AK5: variants seen among roughly 807,000 people sequenced by gnomAD.
AK5 encodes adenylate kinase 5.
In AK5, 27 loss-of-function variants were observed where a neutral mutation model predicts 69.5. That is an observed-to-expected ratio of 0.39 (90% CI 0.29 to 0.54). AK5 has a LOEUF of 0.54. Ranked by LOEUF, AK5 falls within the 20% of genes least tolerant of loss-of-function variation. AK5 has a pLI of 0.71. For missense variants in AK5, 531 were observed against 700.4 expected (o/e 0.76, Z 2.73); for synonymous variants, 260 against 244.4 (o/e 1.06, Z -0.60).
chr1:77,367,901 T>TGA (rs1647025784), intron 6 of AK5, among the ~76,000 whole-genome samples: 8 of 3,276 alleles, frequency 2.4e-3, no homozygotes, highest in East Asian at 0.036. Flanking sequence ...GTGATATATA[T>TGA]TATATATAAA....
chr1:77,526,465 C>G (rs200506563), intron 12 of AK5, among the ~76,000 whole-genome samples: 88 of 84,660 alleles, frequency 1.0e-3, no homozygotes, highest in African/African-American at 4.0e-3. Context: ...GAATAAAAGT[C>G]TTTTTTTTTT....
chr1:77,443,929 C>G (rs1167666878), intron 8 of AK5, among the ~76,000 whole-genome samples: 1 of 151,116 alleles, frequency 6.6e-6, no homozygotes, highest in Admixed American at 6.6e-5. Flanking sequence ...ACCTTTTGTC[C>G]TACCCACCCA....
chr1:77,353,431 T>A (rs1184583639), intron 6 of AK5, among the ~76,000 whole-genome samples: 2 of 152,072 alleles, frequency 1.3e-5, no homozygotes, highest in African/African-American at 4.8e-5. Flanking sequence ...TGAGCCAAAA[T>A]CGTGCCACTG....
At chr1:77,543,763 G>A (rs59814571) in intron 13 of AK5, among the ~76,000 whole-genome samples, 1,963 of 152,236 alleles carry the variant, frequency 0.013, 39 homozygotes, top group African/African-American at 0.045. Context: ...GAGTATTTTC[G>A]TAGGAAGCTG....
intron 5 of AK5, among the ~76,000 whole-genome samples, chr1:77,330,498 GTCCTTT>G (rs1220091983): frequency 6.6e-6 from 1 of 152,124 alleles, no homozygotes; most frequent in Non-Finnish European, 1.5e-5. Context: ...TGAAAAGACT[GTCCTTT>G]TCCCTACTGC....
chr1:77,439,638 C>A (rs565761926), intron 8 of AK5, among the ~76,000 whole-genome samples: 1 of 152,112 alleles, frequency 6.6e-6, no homozygotes, highest in South Asian at 2.1e-4. Context: ...GCATATGAGT[C>A]AGAACTGTGA....
chr1:77,494,061 G>A (rs1242834976), intron 10 of AK5, among the ~76,000 whole-genome samples: 1 of 152,174 alleles, frequency 6.6e-6, no homozygotes, highest in Non-Finnish European at 1.5e-5. Context: ...TGACATGGCA[G>A]GAATTTAGGA....
At chr1:77,382,879 C>A (rs1469458963) in intron 6 of AK5, among the ~76,000 whole-genome samples, 1 of 152,166 alleles carries the variant, frequency 6.6e-6, no homozygotes, top group Non-Finnish European at 1.5e-5. Context: ...TCTTGAGACA[C>A]CTTTCATCTT....
chr1:77,324,509 G>A (rs555622405), intron 5 of AK5, among the ~76,000 whole-genome samples: 1 of 152,254 alleles, frequency 6.6e-6, no homozygotes, highest in East Asian at 1.9e-4. Context: ...TGCTGAGAAG[G>A]ATTCTGAAGC....
At chr1:77,436,693 T>G (rs1169091134) in intron 8 of AK5, among the ~76,000 whole-genome samples, 4 of 151,946 alleles carry the variant, frequency 2.6e-5, no homozygotes, top group African/African-American at 9.7e-5. Flanking sequence ...AGAATTAATT[T>G]ATAAATGATT....
At chr1:77,448,213 G>A (rs2100652231) in intron 8 of AK5, among the ~76,000 whole-genome samples, 1 of 152,278 alleles carries the variant, frequency 6.6e-6, no homozygotes, top group South Asian at 2.1e-4. Flanking sequence ...AAGCATGGGG[G>A]CCAGGCTGCC....
chr1:77,295,497 C>T (rs1345504583), intron 3 of AK5, among the ~76,000 whole-genome samples: 9 of 152,208 alleles, frequency 5.9e-5, no homozygotes, highest in African/African-American at 9.6e-5. Context: ...GCCGCTGTTA[C>T]GCCATAAACC....
chr1:77,463,570 T>TAAAAA (rs3077577), intron 8 of AK5, among the ~76,000 whole-genome samples: 5 of 147,402 alleles, frequency 3.4e-5, no homozygotes, highest in East Asian at 2.0e-4. Flanking sequence ...TGTTTAGCTT[T>TAAAAA]AAAAAAAAAA....
At chr1:77,335,061 A>G (rs141046836) in intron 5 of AK5, among the ~76,000 whole-genome samples, 18 of 152,290 alleles carry the variant, frequency 1.2e-4, no homozygotes, top group Non-Finnish European at 2.6e-4. Context: ...TATCTGAATT[A>G]TGGAGTCTAG....
chr1:77,495,447 T>C (rs1360064764), intron 10 of AK5, among the ~76,000 whole-genome samples: 1 of 152,222 alleles, frequency 6.6e-6, no homozygotes, highest in Admixed American at 6.5e-5. Context: ...AGCAAGTGAA[T>C]ATTAATGACA....
chr1:77,514,310 T>C (rs139546834), intron 10 of AK5, among the ~76,000 whole-genome samples: 1 of 152,344 alleles, frequency 6.6e-6, no homozygotes, highest in East Asian at 1.9e-4. Context: ...AGCTCCTGTC[T>C]GTCATCAGTC....
chr1:77,426,214 C>G (rs901715151), intron 8 of AK5, among the ~76,000 whole-genome samples: 3 of 152,238 alleles, frequency 2.0e-5, no homozygotes, highest in African/African-American at 4.8e-5. Context: ...AATCAAGACC[C>G]CACTATATGT....
At chr1:77,554,423 A>C (rs1198364775) in intron 13 of AK5, among the ~76,000 whole-genome samples, 1 of 152,132 alleles carries the variant, frequency 6.6e-6, no homozygotes, top group Non-Finnish European at 1.5e-5. Context: ...CCAGACCTGG[A>C]GGTTATCTAG....
At chr1:77,318,746 C>G (rs904877708) in intron 5 of AK5, among the ~76,000 whole-genome samples, 1 of 151,934 alleles carries the variant, frequency 6.6e-6, no homozygotes, top group Non-Finnish European at 1.5e-5. Flanking sequence ...CCAGTCTCCC[C>G]TTCTCTTGGA....
Sources: gnomAD v4.1 joint callset for allele counts (sites outside exome capture counted in the v4.1 genomes callset) on GRCh38, gnomAD v4.1.1 for gene constraint, MANE v1.5 for transcripts, NCBI Gene and HGNC (gene_info 2026-07-23, HGNC 2026-07-21) for gene names.